The following VPS8 variants were observed in gnomAD, a reference collection of about 807,000 sequenced individuals.
VPS8 encodes VPS8 subunit of CORVET complex.
A neutral mutation model predicts 216.4 loss-of-function variants in VPS8; 129 were observed. The observed-to-expected ratio is 0.60, with a 90% CI of 0.52 to 0.69. The LOEUF (loss-of-function observed/expected upper bound fraction) is 0.69. Ranked by LOEUF, VPS8 falls within the 30% of genes least tolerant of loss-of-function variation. VPS8 has a pLI of 0.00. For missense variants in VPS8, 1,531 were observed against 1,683.5 expected, an observed-to-expected ratio of 0.91 and a Z score of 1.59; for synonymous variants, 571 against 565.4, an observed-to-expected ratio of 1.01 and a Z score of -0.14.
At chr3:184,919,973 T>A (rs549719884) in intron 28 of VPS8, among the ~76,000 whole-genome samples, 154 bp from the exon 29 acceptor site, 1 of 152,266 alleles carries the variant, frequency 6.6e-6, no homozygotes, top group Admixed American at 6.5e-5. Flanking sequence ...TCACTAAAAA[T>A]AATGTCACGC....
intron 11 of VPS8, among the ~76,000 whole-genome samples, 196 bp from the exon 12 acceptor site, chr3:184,853,661 C>T (rs1346275037): frequency 6.6e-6 from 1 of 152,066 alleles, no homozygotes; most frequent in Non-Finnish European, 1.5e-5. Flanking sequence ...AGTAGCAAGC[C>T]AGTGGACTGT....
At chr3:184,858,064 A>G (rs1725598584) in intron 14 of VPS8, among the ~76,000 whole-genome samples, 1 of 152,208 alleles carries the variant, frequency 6.6e-6, no homozygotes, top group Admixed American at 6.5e-5. Context: ...AAAGACATCT[A>G]TGATACTACT....
chr3:184,981,063 G>A (rs1750117553), intron 40 of VPS8, among the ~76,000 whole-genome samples: 1 of 152,200 alleles, frequency 6.6e-6, no homozygotes. Flanking sequence ...ATTTCCGGAA[G>A]ATTTCAGGGG....
At chr3:185,014,997 C>G (rs1755586770) in intron 45 of VPS8, among the ~76,000 whole-genome samples, 1 of 152,200 alleles carries the variant, frequency 6.6e-6, no homozygotes, top group South Asian at 2.1e-4. Context: ...ATAAGCTAGT[C>G]TCCCAAACGA....
chr3:184,965,295 CT>C (rs1196734368), intron 38 of VPS8, among the ~76,000 whole-genome samples: 2 of 152,192 alleles, frequency 1.3e-5, no homozygotes, highest in Admixed American at 1.3e-4. Context: ...TCCACAGAGG[CT>C]TTGTGTAGGC....
intron 36 of VPS8, among the ~76,000 whole-genome samples, chr3:184,943,534 C>T (rs1277508273): frequency 1.3e-5 from 2 of 152,186 alleles, no homozygotes; most frequent in South Asian, 2.1e-4. Context: ...AGACTGGCCC[C>T]GGCTAGCAGT....
chr3:184,992,888 C>G (rs897717913), intron 42 of VPS8, among the ~76,000 whole-genome samples: 5 of 152,022 alleles, frequency 3.3e-5, no homozygotes, highest in African/African-American at 9.7e-5. Flanking sequence ...CATGAAAATG[C>G]CCTTTGAGTC....
chr3:184,828,589 C>T (rs2108526068), intron 3 of VPS8, among the ~76,000 whole-genome samples: 1 of 152,198 alleles, frequency 6.6e-6, no homozygotes, highest in South Asian at 2.1e-4. Context: ...TTAACTATAA[C>T]CTTTTTCCCC....
At chr3:184,823,582 CAA>C (rs1718088760) in intron 1 of VPS8, among the ~76,000 whole-genome samples, 1 of 152,138 alleles carries the variant, frequency 6.6e-6, no homozygotes, top group South Asian at 2.1e-4. Flanking sequence ...GTTTAGGAAA[CAA>C]AATGATCTTT....
At chr3:184,999,905 C>A (rs775420317) in intron 45 of VPS8, 44 bp downstream of exon 45, 3 of 1,557,786 alleles carry the variant, frequency 1.9e-6, no homozygotes, top group Non-Finnish European at 1.7e-6. Context: ...TCTTTTCTTA[C>A]CAATGTCATT....
intron 9 of VPS8, 119 bp downstream of exon 9, chr3:184,849,314 T>C (rs1723813895): frequency 8.5e-7 from 1 of 1,173,174 alleles, no homozygotes; most frequent in East Asian, 2.7e-5. Context: ...TTTGTAGAGC[T>C]AACCAGAGAT....
At chr3:185,017,591 A>G (rs1306116676) in intron 45 of VPS8, among the ~76,000 whole-genome samples, 1 of 152,200 alleles carries the variant, frequency 6.6e-6, no homozygotes, top group Non-Finnish European at 1.5e-5. Context: ...TGACTCCTGT[A>G]TGTGTTTGCA....
intron 19 of VPS8, 111 bp downstream of exon 19, chr3:184,869,147 A>G: frequency 9.9e-7 from 1 of 1,009,720 alleles, no homozygotes; most frequent in Non-Finnish European, 1.5e-6. Context: ...GTGTTTATAA[A>G]CAGGATGCTA....
chr3:184,984,012 G>A (rs573548499), intron 42 of VPS8, among the ~76,000 whole-genome samples: 17 of 149,288 alleles, frequency 1.1e-4, no homozygotes, highest in Middle Eastern at 3.2e-3. Flanking sequence ...GTGAAACCCC[G>A]TCTCTACTAA....
intron 46 of VPS8, among the ~76,000 whole-genome samples, chr3:185,045,179 A>G (rs1315940550): frequency 4.7e-5 from 2 of 42,128 alleles, no homozygotes; most frequent in African/African-American, 2.1e-4. Context: ...ACCAGTGTCA[A>G]TACAAAGTGG....
rs758121615 is a variant in VPS8, at chr3:184,996,317, T to C, written c.3667-15T>C. 1 of 1,592,318 alleles carries C rather than the reference T, an allele frequency of 6.3e-7. No homozygotes were observed. Among genetic ancestry groups the C allele is most frequent in the Non-Finnish European group, 8.5e-7 (1 of 1,170,360 alleles). On this transcript the variant is annotated splice_polypyrimidine_tract_variant and intron_variant, in intron 43 of 47. Coordinates refer to ENST00000625842, the MANE Select transcript of VPS8 (RefSeq NM_001009921.3). ...AACCTTTTGTTTGTTTGTTTTTTGT[T>C]TTGGTGTTTCATAGACCCTGCTGGA...
intron 10 of VPS8, 23 bp downstream of exon 10, chr3:184,850,045 C>T: frequency 1.3e-6 from 2 of 1,571,622 alleles, no homozygotes; most frequent in Non-Finnish European, 1.7e-6. Flanking sequence ...TTTTCTTTTC[C>T]TAATAATTTT....
At position 184,999,695 on chromosome 3, in the gene VPS8, G is replaced by A. The variant is rs1753138314; in HGVS notation, c.3837-1G>A. ...ACAAATTGGTTGCCTTCGTTTTGCA[G>A]CTGTGGCCATTTGTATCACTCATTC... is the stretch of plus-strand genomic sequence containing the variant. On this transcript the variant is annotated splice_acceptor_variant, in intron 44 of 47. Coordinates refer to ENST00000625842, the MANE Select transcript of VPS8 (RefSeq NM_001009921.3). LOFTEE classifies it high-confidence loss of function. The A allele has an allele frequency of 1.9e-6, 3 of 1,602,144 alleles. No individual in the cohort carries two copies. The highest frequency in any genetic ancestry group is 2.5e-6 in the Non-Finnish European group (3 of 1,176,600).
intron 10 of VPS8, among the ~76,000 whole-genome samples, chr3:184,850,718 T>C (rs998961129): frequency 2.0e-4 from 31 of 152,200 alleles, no homozygotes; most frequent in Admixed American, 7.9e-4. Context: ...AAGTCTAAAA[T>C]CAGATCTTCT....
Sources: allele counts gnomAD v4.1 joint callset (sites outside exome capture counted in the v4.1 genomes callset), GRCh38; gene constraint gnomAD v4.1.1; transcripts MANE v1.5; gene names NCBI Gene and HGNC (gene_info 2026-07-23, HGNC 2026-07-21).